Variants in ZSWIM6 observed in about 807,000 individuals in gnomAD.
The protein encoded by ZSWIM6 is zinc finger SWIM domain-containing protein 6.
A neutral mutation model predicts 113.2 loss-of-function variants in ZSWIM6; 9 were observed. The observed-to-expected ratio is 0.08, with a 90% CI of 0.05 to 0.14. The LOEUF (loss-of-function observed/expected upper bound fraction) is 0.14. ZSWIM6 is among the 10% of genes least tolerant of loss of function. ZSWIM6 has a pLI of 1.00. For missense variants in ZSWIM6, 1,162 were observed against 1,552.2 expected (o/e 0.75, Z 4.22); for synonymous variants, 611 against 606.5 (o/e 1.01, Z -0.11).
intron 4 of ZSWIM6, among the ~76,000 whole-genome samples, chr5:61,517,145 G>A (rs1748969801): frequency 6.6e-6 from 1 of 151,988 alleles, no homozygotes; most frequent in South Asian, 2.1e-4. Flanking sequence ...CTTATTTGAG[G>A]TTGGCTAAGC....
At chr5:61,523,514 C>T (rs1266972779) in intron 5 of ZSWIM6, among the ~76,000 whole-genome samples, 1 of 151,994 alleles carries the variant, frequency 6.6e-6, no homozygotes, top group Non-Finnish European at 1.5e-5. Flanking sequence ...CCCAAGTTTT[C>T]CTTAATCAGC....
chr5:61,490,916 T>C lies in ZSWIM6; in HGVS notation c.1164T>C (p.Leu388=). Residue 388 remains leucine (L), a synonymous_variant, in exon 3 of 14, where the codon CTT becomes CTC. Transcript: ENST00000252744. ...QGGYHGSGKQ[L]NLLFAKVREM... ...GGTACCACGGATCAGGGAAGCAGCT[T>C]AATTTGCTCTTTGCAAAGGTATGAT... The C allele has an allele frequency of 6.5e-7, 1 of 1,536,422 alleles. No individual in the cohort carries two copies.
chr5:61,536,562 A>G (rs374514785), intron 10 of ZSWIM6, among the ~76,000 whole-genome samples: 46 of 152,362 alleles, frequency 3.0e-4, no homozygotes, highest in Middle Eastern at 6.8e-3. Context: ...GCTTTTCATC[A>G]AAGATTCTAT....
At chr5:61,536,773 T>G (rs1203802545) in intron 10 of ZSWIM6, among the ~76,000 whole-genome samples, 1 of 152,210 alleles carries the variant, frequency 6.6e-6, no homozygotes, top group Admixed American at 6.5e-5. Context: ...ATCCTGTAAT[T>G]TGACATGCTT....
chr5:61,416,171 TGGAA>T (rs1746248558), intron 1 of ZSWIM6, among the ~76,000 whole-genome samples: 1 of 152,180 alleles, frequency 6.6e-6, no homozygotes, highest in Non-Finnish European at 1.5e-5. Context: ...TCCAGATTCT[TGGAA>T]GGAATAGAGA....
At chr5:61,380,106 G>A (rs1267667721) in intron 1 of ZSWIM6, among the ~76,000 whole-genome samples, 2 of 150,852 alleles carry the variant, frequency 1.3e-5, no homozygotes, top group African/African-American at 2.4e-5. Flanking sequence ...ACGGAGTTTC[G>A]CTCCTGTCAC....
intron 2 of ZSWIM6, among the ~76,000 whole-genome samples, chr5:61,477,181 C>G (rs1369201376): frequency 6.6e-6 from 1 of 152,094 alleles, no homozygotes; most frequent in East Asian, 1.9e-4. Context: ...TAGACTACCA[C>G]AAAGAGGGAC....
intron 1 of ZSWIM6, among the ~76,000 whole-genome samples, chr5:61,350,243 C>A (rs1744752509): frequency 6.6e-6 from 1 of 152,126 alleles, no homozygotes; most frequent in African/African-American, 2.4e-5. Flanking sequence ...ACAAGTGTTC[C>A]AGTTTGGATA....
At chr5:61,500,445 T>C (rs1748435294) in intron 4 of ZSWIM6, among the ~76,000 whole-genome samples, 1 of 152,038 alleles carries the variant, frequency 6.6e-6, no homozygotes, top group Admixed American at 6.6e-5. Context: ...TTAAACACTA[T>C]TATATGCCTC....
chr5:61,541,825 C>CA (rs1749746522), intron 12 of ZSWIM6, 59 bp from the exon 13 acceptor site: 12 of 1,403,942 alleles, frequency 8.5e-6, no homozygotes, highest in Non-Finnish European at 1.2e-5. Flanking sequence ...TATCCCCCCC[C>CA]TTTTTTTTCA....
chr5:61,364,630 A>G (rs1262735772), intron 1 of ZSWIM6, among the ~76,000 whole-genome samples: 1 of 152,182 alleles, frequency 6.6e-6, no homozygotes, highest in East Asian at 1.9e-4. Context: ...AGTTTCCTAT[A>G]GTTCTGGAGG....
intron 1 of ZSWIM6, 61 bp downstream of exon 1, chr5:61,333,009 G>GGGCC: frequency 4.1e-5 from 18 of 439,746 alleles, no homozygotes; most frequent in Non-Finnish European, 5.8e-5. Flanking sequence ...TGGGGGGGGG[G>GGGCC]TGCCCGCCTT....
intron 1 of ZSWIM6, among the ~76,000 whole-genome samples, chr5:61,395,600 A>G (rs1745821141): frequency 6.6e-6 from 1 of 152,110 alleles, no homozygotes; most frequent in South Asian, 2.1e-4. Flanking sequence ...AGTTTAAAAC[A>G]AAATGGATAT....
rs189655166 is a variant in ZSWIM6, at chr5:61,507,589, A to G, written c.1333+13179A>G. ...TGAGCTTTTATTTATCTACTGTTTC[A>G]ATCTACAATGAAATTACTTATTTGC... On this transcript the variant is annotated intron_variant, in intron 4 of 13. Transcript: ENST00000252744. Among the ~76,000 whole-genome samples, 1,067 of 152,354 alleles carry G rather than the reference A, an allele frequency of 7.0e-3. 15 individuals are homozygous for G. The highest frequency in any genetic ancestry group is 0.031 in the Middle Eastern group (9 of 294).
At chr5:61,390,678 TCTTC>T in intron 1 of ZSWIM6, 1 of 848,532 alleles carries the variant, frequency 1.2e-6, no homozygotes, top group Non-Finnish European at 2.0e-6. Flanking sequence ...TTAAGCTCCT[TCTTC>T]CTTTGCAATT....
At chr5:61,352,363 A>C (rs562068742) in intron 1 of ZSWIM6, among the ~76,000 whole-genome samples, 1 of 152,354 alleles carries the variant, frequency 6.6e-6, no homozygotes, top group South Asian at 2.1e-4. Flanking sequence ...GTATATGTAC[A>C]TCTGTTTGTA....
intron 1 of ZSWIM6, among the ~76,000 whole-genome samples, chr5:61,393,987 G>A (rs578169444): frequency 6.6e-6 from 1 of 152,288 alleles, no homozygotes; most frequent in South Asian, 2.1e-4. Flanking sequence ...GAATGTTCTA[G>A]TGCTAGGGGT....
rs1427503293 is a variant in ZSWIM6, at chr5:61,530,057, C to T, written c.1843C>T (p.Pro615Ser). ...EMFRTQKKELPHKNITSITNL... is the reference protein window; with the variant it reads ...EMFRTQKKELSHKNITSITNL... Reference sequence around the variant, plus strand: ...AATTCCCTTTCCTTACACAGAGCTACCCCATAAAAACATAACCTCGATAAC... The same window carrying T: ...AATTCCCTTTCCTTACACAGAGCTATCCCATAAAAACATAACCTCGATAAC... The change falls in exon 8 of 14, where the codon CCC (proline) becomes TCC (serine). Residue 615 changes from proline (P) to serine (S), a missense_variant. Pro to Ser is a moderately conservative substitution (Grantham distance 74, BLOSUM62 -1). Coordinates refer to ENST00000252744, the MANE Select transcript of ZSWIM6 (RefSeq NM_020928.2). 7.7e-6 allele frequency: 12 copies of T among 1,550,650 alleles called. No homozygotes were observed. Among genetic ancestry groups the T allele is most frequent in the South Asian group, 2.4e-5 (2 of 83,954 alleles).
intron 1 of ZSWIM6, among the ~76,000 whole-genome samples, chr5:61,398,504 A>G (rs1234942372): frequency 1.3e-5 from 2 of 152,110 alleles, no homozygotes; most frequent in African/African-American, 2.4e-5. Context: ...TAGCCAGGCA[A>G]TGTTGTATAG....
Sources: gnomAD v4.1 joint callset for allele counts (sites outside exome capture counted in the v4.1 genomes callset) on GRCh38, gnomAD v4.1.1 for gene constraint, MANE v1.5 for transcripts, NCBI Gene and HGNC (gene_info 2026-07-23, HGNC 2026-07-21) for gene names.